Variants in SGCZ observed in about 807,000 individuals in gnomAD.
SGCZ encodes sarcoglycan zeta, also known as zeta-sarcoglycan.
SGCZ carries 40 observed loss-of-function variants against 41.3 expected under a neutral mutation model. The ratio of observed to expected loss-of-function variants is 0.97; its 90% CI spans 0.75 to 1.26. The LOEUF (loss-of-function observed/expected upper bound fraction) is 1.26, where lower values mean the gene tolerates loss of function less well. Ranked by LOEUF, SGCZ falls within the 50% of genes most tolerant of loss-of-function variation. The probability of loss-of-function intolerance (pLI) is 0.00; values close to 1 mark genes in which losing one functional copy is unlikely to be tolerated. For synonymous variants in SGCZ, 206 were observed against 137.5 expected (o/e 1.50, Z -3.49); for missense variants, 552 against 369.8 (o/e 1.49, Z -4.04).
chr8:15,016,236 C>A (rs1284910668), intron 1 of SGCZ, among the ~76,000 whole-genome samples: 2 of 152,148 alleles, frequency 1.3e-5, no homozygotes, highest in African/African-American at 4.8e-5. Context: ...CATCCCCTCT[C>A]ATTTCATTAA....
At chr8:15,178,470 T>A (rs1237793656) in intron 1 of SGCZ, among the ~76,000 whole-genome samples, 2 of 152,162 alleles carry the variant, frequency 1.3e-5, no homozygotes, top group Non-Finnish European at 2.9e-5. Context: ...CATAGTAAAA[T>A]GCTCAGAGCA....
At chr8:14,476,177 G>A (rs117564564) in intron 2 of SGCZ, among the ~76,000 whole-genome samples, 1 of 152,116 alleles carries the variant, frequency 6.6e-6, no homozygotes, top group Non-Finnish European at 1.5e-5. Flanking sequence ...GAGTTTTTGT[G>A]AGAGTGTTTC....
chr8:14,900,251 T>C (rs970862999), intron 1 of SGCZ, among the ~76,000 whole-genome samples: 1 of 152,164 alleles, frequency 6.6e-6, no homozygotes, highest in African/African-American at 2.4e-5. Context: ...TGAGCATATC[T>C]TTAAGGCAAA....
intron 1 of SGCZ, among the ~76,000 whole-genome samples, chr8:14,637,154 T>A (rs1449579679): frequency 6.6e-6 from 1 of 151,790 alleles, no homozygotes; most frequent in African/African-American, 2.4e-5. Flanking sequence ...TACCCATATA[T>A]GTGAAGGAGT....
At chr8:14,742,551 C>A (rs147819130) in intron 1 of SGCZ, among the ~76,000 whole-genome samples, 144 of 152,110 alleles carry the variant, frequency 9.5e-4, no homozygotes, top group African/African-American at 3.5e-3. Context: ...TAAGTGTAAA[C>A]AAGCTGAATT....
At chr8:14,502,945 G>A (rs1234756522) in intron 2 of SGCZ, among the ~76,000 whole-genome samples, 1 of 152,126 alleles carries the variant, frequency 6.6e-6, no homozygotes, top group African/African-American at 2.4e-5. Context: ...TCGTTACTGG[G>A]TATGTATTCA....
chr8:14,879,575 T>TAC (rs1246777215), intron 1 of SGCZ, among the ~76,000 whole-genome samples: 1 of 136,940 alleles, frequency 7.3e-6, no homozygotes, highest in Non-Finnish European at 1.5e-5. Context: ...TGAGGGGAGA[T>TAC]ACACACACAC....
At chr8:14,251,198 A>C (rs569877456) in intron 3 of SGCZ, among the ~76,000 whole-genome samples, 2 of 152,314 alleles carry the variant, frequency 1.3e-5, no homozygotes, top group South Asian at 2.1e-4. Context: ...ACTGTACTCC[A>C]GTCTGGGCAA....
At chr8:14,812,801 T>G (rs182730935) in intron 1 of SGCZ, among the ~76,000 whole-genome samples, 130 of 152,320 alleles carry the variant, frequency 8.5e-4, no homozygotes, top group Non-Finnish European at 1.3e-3. Flanking sequence ...GTCTTATTTA[T>G]TAATAGATAA....
chr8:15,124,904 T>C (rs1807622974), intron 1 of SGCZ, among the ~76,000 whole-genome samples: 1 of 152,124 alleles, frequency 6.6e-6, no homozygotes, highest in South Asian at 2.1e-4. Context: ...AAGAAATCTG[T>C]ACAAAATTTT....
intron 1 of SGCZ, among the ~76,000 whole-genome samples, chr8:14,726,200 T>C (rs886583053): frequency 6.0e-5 from 9 of 149,932 alleles, no homozygotes; most frequent in Admixed American, 5.3e-4. Flanking sequence ...GAGGCAGAGG[T>C]TGCAGTGAGC....
In SGCZ at chr8:15,232,262, TATAGC is replaced by T. The variant is rs1478672503; in HGVS notation, c.39+5318_39+5322del. ...AAAAACAGATGTGGATTTATTATCT[TATAGC>T]AGTAAGCCATCTCGTGTAGCTATGA... On this transcript the variant is annotated intron_variant, in intron 1 of 7. Transcript: ENST00000382080. 4.6e-5 allele frequency among the ~76,000 whole-genome samples: 7 copies of T among 152,330 alleles called. No individual in the cohort carries two copies. In the East Asian group the frequency reaches 1.4e-3, roughly 29 times the overall value.
intron 3 of SGCZ, among the ~76,000 whole-genome samples, chr8:14,248,570 G>A (rs1799184377): frequency 6.6e-6 from 1 of 151,920 alleles, no homozygotes; most frequent in African/African-American, 2.4e-5. Context: ...ACTTTTTAAA[G>A]GACATCATAT....
At chr8:14,376,256 A>G (rs1231151839) in intron 2 of SGCZ, among the ~76,000 whole-genome samples, 1 of 152,218 alleles carries the variant, frequency 6.6e-6, no homozygotes, top group Non-Finnish European at 1.5e-5. Context: ...GGTTGCAGTG[A>G]GCCGAGATCG....
At chr8:15,054,996 T>A (rs562825674) in intron 1 of SGCZ, among the ~76,000 whole-genome samples, 7 of 151,258 alleles carry the variant, frequency 4.6e-5, no homozygotes, top group Non-Finnish European at 8.8e-5. Flanking sequence ...CATTTTGCAA[T>A]GGCTGCCATC....
intron 2 of SGCZ, among the ~76,000 whole-genome samples, chr8:14,553,289 A>G (rs1360044518): frequency 6.6e-6 from 1 of 152,038 alleles, no homozygotes; most frequent in Non-Finnish European, 1.5e-5. Context: ...ATTCAGATGC[A>G]TTCCCAGAGA....
At chr8:14,696,394 A>G (rs1808964547) in intron 1 of SGCZ, among the ~76,000 whole-genome samples, 1 of 152,140 alleles carries the variant, frequency 6.6e-6, no homozygotes, top group Admixed American at 6.6e-5. Flanking sequence ...GCGAAAGCCC[A>G]CTGATAACAA....
intron 2 of SGCZ, 59 bp from the exon 3 acceptor site, chr8:14,324,263 T>G: frequency 8.0e-7 from 1 of 1,254,644 alleles, no homozygotes; most frequent in Non-Finnish European, 1.2e-6. Flanking sequence ...TATCTGGCCA[T>G]AATTTTCTTA....
intron 2 of SGCZ, among the ~76,000 whole-genome samples, chr8:14,487,127 T>C (rs1376321499): frequency 5.9e-5 from 9 of 152,184 alleles, no homozygotes; most frequent in Admixed American, 5.2e-4. Context: ...CATTTGCCTT[T>C]AATAGGTTAT....
Sources: allele counts gnomAD v4.1 joint callset (sites outside exome capture counted in the v4.1 genomes callset), GRCh38; gene constraint gnomAD v4.1.1; transcripts MANE v1.5; gene names NCBI Gene and HGNC (gene_info 2026-07-23, HGNC 2026-07-21).